RIIAD1: variants seen among roughly 807,000 people sequenced by gnomAD.
RIIAD1 encodes RIIa domain-containing protein 1.
Under a neutral mutation model 13.3 loss-of-function variants are expected in RIIAD1, and 15 were observed. The observed-to-expected ratio is 1.13, with a 90% confidence interval of 0.76 to 1.74. RIIAD1 has a LOEUF of 1.74. RIIAD1 is among the 40% of genes most tolerant of loss of function. The pLI is 0.00. For missense variants in RIIAD1, 121 were observed against 112.2 expected, an observed-to-expected ratio of 1.08 and a Z score of -0.35; for synonymous variants, 50 against 43.3, an observed-to-expected ratio of 1.16 and a Z score of -0.61.
chr1:151,714,611 G>A (rs1435739189), intron 4 of RIIAD1: 1 of 1,557,480 alleles, frequency 6.4e-7, no homozygotes, highest in East Asian at 2.4e-5. Context: ...AGCGTCTTCT[G>A]TTCGTGCAGG....
At chr1:151,716,954 G>C (rs934261430), upstream of RIIAD1, 1 of 344,668 alleles carries the variant, frequency 2.9e-6, no homozygotes, top group Admixed American at 3.5e-5. Flanking sequence ...CATCCTCCCT[G>C]ACTCCCTTCC....
At chr1:151,718,880 A>T (rs951266633), upstream of RIIAD1, among the ~76,000 whole-genome samples, 2 of 152,064 alleles carry the variant, frequency 1.3e-5, no homozygotes, top group Admixed American at 6.5e-5. Flanking sequence ...ATTTATGGAG[A>T]TGCTAAACAG....
upstream of RIIAD1, among the ~76,000 whole-genome samples, chr1:151,720,576 C>A (rs1299868030): frequency 1.4e-4 from 21 of 152,224 alleles, no homozygotes; most frequent in Non-Finnish European, 7.3e-5. Flanking sequence ...AGGACAGAAG[C>A]AGACCAATGA....
At chr1:151,719,725 T>C (rs975133805), upstream of RIIAD1, 7 of 673,256 alleles carry the variant, frequency 1.0e-5, no homozygotes, top group African/African-American at 7.2e-5. Flanking sequence ...TAGTGAGTAC[T>C]GAGACGCTGT....
upstream of RIIAD1, chr1:151,716,713 C>T (rs1673503055): frequency 2.3e-6 from 1 of 440,820 alleles, no homozygotes; most frequent in South Asian, 1.6e-5. Context: ...TGGGCTGCTG[C>T]CGGCTGCTCC....
chr1:151,728,610 A>T lies in RIIAD1; in HGVS notation c.209-156A>T, dbSNP rs1408964110. 4.9e-6 allele frequency: 3 copies of T among 617,324 alleles called. No individual in the cohort carries two copies. In the African/African-American group the frequency reaches 5.5e-5, roughly 11 times the overall value. 38.2% of individuals were successfully genotyped at this position (617,324 alleles called of 1,614,324 possible). ...GCTCGGGTGGGGGCAGTGACCGTTC[A>T]TTTTACCATATTACATTGTAAAGCA... On this transcript the variant is annotated intron_variant, in intron 3 of 4. Transcript: ENST00000479191.
chr1:151,722,424 T>G (rs1401770085), intron 2 of RIIAD1, among the ~76,000 whole-genome samples: 1 of 152,142 alleles, frequency 6.6e-6, no homozygotes, highest in Non-Finnish European at 1.5e-5. Context: ...CAAAAATCAG[T>G]TGTCTGGTTG....
chr1:151,714,473 AG>A, exon 4 of RIIAD1: 4 of 750,636 alleles, frequency 5.3e-6, no homozygotes, highest in Non-Finnish European at 9.6e-6. Context: ...ACAGAGAGAG[AG>A]GGGGACTTCC....
chr1:151,716,127 G>T (rs941629098), intron 4 of RIIAD1: 1 of 1,246,570 alleles, frequency 8.0e-7, no homozygotes, highest in East Asian at 2.5e-5. Context: ...CCCAGCTGGG[G>T]CTGGCTTTCC....
At chr1:151,727,471 G>T (rs1673852638) in intron 2 of RIIAD1, 104 bp from the exon 3 acceptor site, 1 of 767,504 alleles carries the variant, frequency 1.3e-6, no homozygotes. Flanking sequence ...TCCCAAGATG[G>T]TTGTGTCTCA....
exon 4 of RIIAD1, chr1:151,714,445 G>T: frequency 1.4e-6 from 1 of 715,098 alleles, no homozygotes; most frequent in Non-Finnish European, 2.6e-6. Context: ...TGCATCTACA[G>T]CAAGAAAGAT....
Position 151,714,719 on chromosome 1 carries a change from C to T in RIIAD1, c.21+190C>T, listed in dbSNP as rs544601950. On this transcript the variant is annotated intron_variant, in intron 4 of 8. Coordinates refer to the RIIAD1 transcript ENST00000326413. ...CAGAGAAACACGGCGGGGGGTGAGT[C>T]CTCCATCTCCCCTCTCTGAAAGGCT... 1.2e-4 allele frequency: 159 copies of T among 1,314,168 alleles called. No individual in the cohort carries two copies. In the South Asian group the frequency reaches 1.9e-3, roughly 16 times the overall value. 81.4% of individuals were successfully genotyped at this position (1,314,168 alleles called of 1,614,324 possible). A position where few individuals can be genotyped will look rare whatever the true frequency, so the allele number is the denominator to read the frequency against.
upstream of RIIAD1, chr1:151,716,928 G>C (rs1339555353): frequency 2.7e-6 from 1 of 367,344 alleles, no homozygotes; most frequent in African/African-American, 2.1e-5. Flanking sequence ...CACGAGCCAC[G>C]CCCTCTTTCT....
upstream of RIIAD1, among the ~76,000 whole-genome samples, chr1:151,718,227 CT>C (rs1287728863): frequency 6.6e-6 from 1 of 152,178 alleles, no homozygotes; most frequent in Non-Finnish European, 1.5e-5. Context: ...GTGTCCCAGG[CT>C]TTGTGCCAAG....
chr1:151,719,998 T>C (rs1673707172), upstream of RIIAD1, among the ~76,000 whole-genome samples: 1 of 152,226 alleles, frequency 6.6e-6, no homozygotes, highest in African/African-American at 2.4e-5. Context: ...AAATGTCTAG[T>C]AGCCATATAT....
At chr1:151,719,845 C>A (rs938138792), upstream of RIIAD1, among the ~76,000 whole-genome samples, 1 of 152,154 alleles carries the variant, frequency 6.6e-6, no homozygotes, top group Non-Finnish European at 1.5e-5. Context: ...CACAGATTGG[C>A]AGACGGAGGG....
At chr1:151,728,641 AC>A in intron 3 of RIIAD1, 124 bp from the exon 4 acceptor site, 2 of 674,724 alleles carry the variant, frequency 3.0e-6, no homozygotes, top group Non-Finnish European at 2.7e-6. Flanking sequence ...AAGCAGGGCC[AC>A]CAGTAGTAGC....
At chr1:151,719,874 T>C (rs1055228822), upstream of RIIAD1, among the ~76,000 whole-genome samples, 1 of 152,092 alleles carries the variant, frequency 6.6e-6, no homozygotes, top group African/African-American at 2.4e-5. Context: ...ATTTCCTACT[T>C]GGAGGTGGGG....
At chr1:151,713,216 C>G (rs1673174003) in intron 2 of RIIAD1, among the ~76,000 whole-genome samples, 1 of 152,192 alleles carries the variant, frequency 6.6e-6, no homozygotes. Context: ...AATCATTAAC[C>G]AGGCGCCCTT....
Sources: allele counts gnomAD v4.1 joint callset (sites outside exome capture counted in the v4.1 genomes callset), GRCh38; gene constraint gnomAD v4.1.1; transcripts MANE v1.5; gene names NCBI Gene and HGNC (gene_info 2026-07-23, HGNC 2026-07-21).